Variants in VWA3B observed in about 807,000 individuals in gnomAD.
The protein encoded by VWA3B is von Willebrand factor A domain containing 3B, also known as von Willebrand factor A domain-containing protein 3B.
A neutral mutation model predicts 158.3 loss-of-function variants in VWA3B; 138 were observed. That is an observed-to-expected ratio of 0.87 (90% confidence interval 0.76 to 1.00). The LOEUF is 1.00. Among genes scored for constraint, VWA3B ranks in the 50% least tolerant of loss-of-function variants. VWA3B has a pLI of 0.00. For missense variants in VWA3B, 1,555 were observed against 1,565.1 expected (o/e 0.99, Z 0.11); for synonymous variants, 596 against 587.3 (o/e 1.01, Z -0.21).
chr2:98,121,365 T>C lies in VWA3B; in HGVS notation c.609T>C (p.Thr203=), dbSNP rs750639049. Residue 203 remains threonine, a synonymous_variant, in exon 5 of 28, where the codon ACT becomes ACC. Transcript: ENST00000477737. ...ATPVTEQSIA[T]AISWVEKLTV... ...CTGTGACCGAACAGTCCATAGCTACTGCCATCAGTTGGGTTGAGAAACTGA... is the reference window on the plus strand; with the variant it reads ...CTGTGACCGAACAGTCCATAGCTACCGCCATCAGTTGGGTTGAGAAACTGA... 1.9e-6 allele frequency: 3 copies of C among 1,614,104 alleles called. No homozygotes were observed. The highest frequency in any genetic ancestry group is 2.5e-6 in the Non-Finnish European group (3 of 1,180,038).
the VWA3B span, among the ~76,000 whole-genome samples, chr2:98,321,229 TG>T: frequency 2.6e-5 from 4 of 152,250 alleles, no homozygotes; most frequent in Admixed American, 1.3e-4. Context: ...AATGCCTGGA[TG>T]CCCAGGCAGA....
chr2:98,314,097 C>T (rs1193407348), downstream of VWA3B, among the ~76,000 whole-genome samples: 2 of 152,196 alleles, frequency 1.3e-5, no homozygotes, highest in African/African-American at 4.8e-5. Flanking sequence ...GTGCATTTCC[C>T]AGTCGCTTCC....
At chr2:98,190,221 G>A (rs1218547252) in intron 10 of VWA3B, among the ~76,000 whole-genome samples, 1 of 152,022 alleles carries the variant, frequency 6.6e-6, no homozygotes, top group East Asian at 1.9e-4. Context: ...ATGTGTGTGT[G>A]TGGCTATTTA....
intron 19 of VWA3B, among the ~76,000 whole-genome samples, chr2:98,244,649 T>C (rs1251538022): frequency 6.6e-6 from 1 of 152,166 alleles, no homozygotes; most frequent in Non-Finnish European, 1.5e-5. Flanking sequence ...AATGATTATT[T>C]GGGACATGTT....
intron 10 of VWA3B, among the ~76,000 whole-genome samples, chr2:98,191,990 C>A (rs575254125): frequency 6.9e-4 from 105 of 152,348 alleles, no homozygotes; most frequent in African/African-American, 2.5e-3. Flanking sequence ...GTGATGGGAA[C>A]CTGATCATGG....
At chr2:98,173,117 CA>C (rs1403463903) in intron 8 of VWA3B, among the ~76,000 whole-genome samples, 4 of 152,188 alleles carry the variant, frequency 2.6e-5, no homozygotes, top group Non-Finnish European at 5.9e-5. Flanking sequence ...AGCTAATTTA[CA>C]GAGTACTTGT....
At chr2:98,196,473 G>A (rs969019970) in intron 12 of VWA3B, among the ~76,000 whole-genome samples, 2 of 152,176 alleles carry the variant, frequency 1.3e-5, no homozygotes, top group Non-Finnish European at 2.9e-5. Flanking sequence ...TGGTCCAGTA[G>A]TCAACCCGGT....
intron 10 of VWA3B, among the ~76,000 whole-genome samples, chr2:98,189,029 G>C (rs993800559): frequency 6.6e-6 from 1 of 152,120 alleles, no homozygotes; most frequent in Admixed American, 6.5e-5. Context: ...CACAGATTTT[G>C]ATATATTGTA....
intron 2 of VWA3B, among the ~76,000 whole-genome samples, chr2:98,104,320 G>A (rs1305549754): frequency 6.6e-6 from 1 of 152,186 alleles, no homozygotes; most frequent in African/African-American, 2.4e-5. Flanking sequence ...ACCAGCATCT[G>A]CATCTGGTGA....
intron 7 of VWA3B, among the ~76,000 whole-genome samples, chr2:98,155,240 C>T (rs1392540342): frequency 6.6e-6 from 1 of 152,216 alleles, no homozygotes; most frequent in African/African-American, 2.4e-5. Flanking sequence ...AGCTCACCCA[C>T]CATCACCACC....
At chr2:98,208,909 G>T (rs531526861) in intron 12 of VWA3B, among the ~76,000 whole-genome samples, 1 of 152,132 alleles carries the variant, frequency 6.6e-6, no homozygotes, top group South Asian at 2.1e-4. Context: ...TTTCATGAAT[G>T]CTTCTTTAAG....
chr2:98,160,733 G>A (rs1031880098), intron 7 of VWA3B, among the ~76,000 whole-genome samples: 2 of 152,218 alleles, frequency 1.3e-5, no homozygotes, highest in Non-Finnish European at 1.5e-5. Context: ...GTGGGCTTAA[G>A]GTTCGCATTT....
At chr2:98,301,602 T>C (rs1464027003) in intron 25 of VWA3B, among the ~76,000 whole-genome samples, 1 of 152,172 alleles carries the variant, frequency 6.6e-6, no homozygotes, top group East Asian at 1.9e-4. Context: ...ATCCCTTCCT[T>C]CTACACTCCC....
chr2:98,121,517 C>T, intron 5 of VWA3B, 59 bp downstream of exon 5: 1 of 1,585,798 alleles, frequency 6.3e-7, no homozygotes. Flanking sequence ...CTTAACTCTT[C>T]ACACTCAGTG....
At position 98,311,923 on chromosome 2, in the gene VWA3B, A is replaced by G; in HGVS notation, c.3626A>G (p.Lys1209Arg). ...AGACGAGAGAAGCCCAGGAGGAAAA[A>G]GAGGCCCGCCAAGCAGCCACTCCAG... ...EPRREKPRRKKRPAKQPLQQA... is the reference protein window; with the variant it reads ...EPRREKPRRKRRPAKQPLQQA... Residue 1209 changes from lysine (K) to arginine (R), a missense_variant, in exon 27 of 28, where the codon AAG becomes AGG. Physicochemically the swap from Lys to Arg is conservative, Grantham distance 26. Coordinates refer to ENST00000477737, the MANE Select transcript of VWA3B (RefSeq NM_144992.5). 1 of 1,609,014 alleles carries G rather than the reference A, an allele frequency of 6.2e-7. No homozygotes were observed. The highest frequency in any genetic ancestry group is 1.1e-5 in the South Asian group (1 of 90,394).
rs190345208 is a variant in VWA3B at position 98,265,129 on chromosome 2, G to C, written c.2844-5553G>C. Among the ~76,000 whole-genome samples, 477 of 150,952 alleles carry C rather than the reference G, an allele frequency of 3.2e-3. 2 individuals are homozygous for C. The highest frequency in any genetic ancestry group is 5.4e-3 in the Non-Finnish European group (364 of 67,662). Reference sequence around the variant, plus strand: ...ACATATGTATACATGTGCCATGCTGGTGCGCTGCACCCACTAACTCATCAT... The same window carrying C: ...ACATATGTATACATGTGCCATGCTGCTGCGCTGCACCCACTAACTCATCAT... On this transcript the variant is annotated intron_variant, in intron 21 of 27. Transcript: ENST00000477737.
At chr2:98,165,910 G>A (rs973044534) in intron 8 of VWA3B, among the ~76,000 whole-genome samples, 1 of 152,152 alleles carries the variant, frequency 6.6e-6, no homozygotes, top group African/African-American at 2.4e-5. Flanking sequence ...CAGCACCTCC[G>A]CCCGGCAAAG....
the VWA3B span, among the ~76,000 whole-genome samples, chr2:98,326,324 C>A: frequency 4.6e-5 from 7 of 152,116 alleles, no homozygotes; most frequent in East Asian, 1.2e-3. Context: ...AAGAATATAA[C>A]CAACCAAAAC....
chr2:98,126,375 AC>A, intron 5 of VWA3B, among the ~76,000 whole-genome samples: 1 of 152,108 alleles, frequency 6.6e-6, no homozygotes, highest in East Asian at 1.9e-4. Context: ...TCTTCATCTG[AC>A]CAACCCTAGA....
Sources: gnomAD v4.1 joint callset for allele counts (sites outside exome capture counted in the v4.1 genomes callset) on GRCh38, gnomAD v4.1.1 for gene constraint, MANE v1.5 for transcripts, NCBI Gene and HGNC (gene_info 2026-07-23, HGNC 2026-07-21) for gene names.